Variants in NACA observed in about 807,000 individuals in gnomAD.
The protein encoded by NACA is nascent polypeptide associated complex subunit alpha, also known as nascent polypeptide-associated complex subunit alpha.
NACA carries 42 observed loss-of-function variants against 86.4 expected under a neutral mutation model. That is an observed-to-expected ratio of 0.49 (90% CI 0.38 to 0.63). The LOEUF is 0.63. Ranked by LOEUF, NACA falls within the 20% of genes least tolerant of loss-of-function variation. The probability of loss-of-function intolerance (pLI) is 0.00; values close to 1 mark genes in which losing one functional copy is unlikely to be tolerated. For missense variants in NACA, 2,157 were observed against 2,483.6 expected (o/e 0.87, Z 2.80); for synonymous variants, 898 against 973.7 (o/e 0.92, Z 1.45).
chr12:56,722,992 G>C (rs1216833798), intron 2 of NACA, among the ~76,000 whole-genome samples: 1 of 152,174 alleles, frequency 6.6e-6, no homozygotes, highest in Non-Finnish European at 1.5e-5. Context: ...AGACAAGGTG[G>C]CTCAACTAGT....
Position 56,719,586 on chromosome 12 carries a change from A to T in NACA, c.1944T>A (p.Phe648Leu). ...CGGCAGGGTCAGCACTTTCCAAAGGAAATGCAGCCACTGTTGGGGTAATGA... is the reference window on the plus strand; with the variant it reads ...CGGCAGGGTCAGCACTTTCCAAAGGTAATGCAGCCACTGTTGGGGTAATGA... Reference protein sequence around the residue: ...SSLITPTVAAFPLESADPAGV... With the variant: ...SSLITPTVAALPLESADPAGV... Residue 648 changes from phenylalanine (F) to leucine (L), a missense_variant, in exon 3 of 9, where the codon TTT becomes TTA. This residue lies in a region of NACA where 947 missense variants were observed against 917.9 expected (regional missense o/e 1.03). Transcript: ENST00000454682. The T allele has an allele frequency of 6.2e-7, 1 of 1,613,970 alleles. No homozygotes were observed. Among genetic ancestry groups the T allele is most frequent in the East Asian group, 2.2e-5 (1 of 44,890 alleles).
chr12:56,720,414 A>G lies in NACA; in HGVS notation c.1116T>C (p.Ala372=). 1 of 1,613,940 alleles carries G rather than the reference A, an allele frequency of 6.2e-7. No homozygotes were observed. The highest frequency in any genetic ancestry group is 1.1e-5 in the South Asian group (1 of 91,090). ...SRNEVVPATV[A]AFPVVAPSVD... is the part of the protein sequence containing the mutation. Reference sequence around the variant, plus strand: ...CAGATGGAGCCACCACTGGAAAGGCAGCCACAGTAGCAGGAACTACCTCAT... The same window carrying G: ...CAGATGGAGCCACCACTGGAAAGGCGGCCACAGTAGCAGGAACTACCTCAT... The change falls in exon 3 of 9, where the codon GCT becomes GCC. Residue 372 remains alanine, a synonymous_variant. Transcript: ENST00000454682.
rs768562171 is a variant in NACA at position 56,717,753 on chromosome 12, G to T, written c.3777C>A (p.Pro1259=). 2 of 1,181,620 alleles carry T rather than the reference G, an allele frequency of 1.7e-6. No individual in the cohort carries two copies. Among genetic ancestry groups the T allele is most frequent in the Admixed American group, 3.4e-5 (1 of 29,114 alleles). 73.2% of individuals were successfully genotyped at this position (1,181,620 alleles called of 1,614,324 possible). The change falls in exon 3 of 9, where the codon CCC becomes CCA. Residue 1259 remains proline, a synonymous_variant. Coordinates refer to ENST00000454682, the MANE Select transcript of NACA (RefSeq NM_001365896.1). ...CTGGGGGAGTGGGGGCCCCTTTGGG[G>T]GGTGGGGTAGCTGGGCCTCCTTTTG... The part of the protein sequence containing the change: ...PSPKGGPATP[P]PKGAPTPPAA...
At chr12:56,721,626 C>T (rs1953579607) in intron 2 of NACA, among the ~76,000 whole-genome samples, 167 bp from the exon 3 acceptor site, 1 of 152,170 alleles carries the variant, frequency 6.6e-6, no homozygotes, top group East Asian at 1.9e-4. Context: ...CAACAACAAC[C>T]TTCCCCAAAC....
In NACA at chr12:56,714,689, T is replaced by C; in HGVS notation, c.5660-2A>G. The C allele has an allele frequency of 1.2e-6, 2 of 1,614,004 alleles. No homozygotes were observed. The highest frequency in any genetic ancestry group is 8.5e-7 in the Non-Finnish European group (1 of 1,179,900). ...CACTGTCAGATTCTGTTCCAGACCC[T>C]AAGATGAGAAACAACTTTTACTGCT... On this transcript the variant is annotated splice_acceptor_variant, in intron 3 of 8. Coordinates refer to ENST00000454682, the MANE Select transcript of NACA (RefSeq NM_001365896.1). LOFTEE classifies it high-confidence loss of function.
intron 1 of NACA, 182 bp from the exon 2 acceptor site, chr12:56,724,705 C>G: frequency 1.6e-6 from 1 of 613,164 alleles, no homozygotes; most frequent in East Asian, 2.9e-5. Context: ...GACCCTCACG[C>G]CTCTATCAAG....
chr12:56,713,297 C>T (rs375567238), intron 6 of NACA, 107 bp from the exon 7 acceptor site: 10 of 1,390,082 alleles, frequency 7.2e-6, no homozygotes, highest in Non-Finnish European at 9.8e-6. Flanking sequence ...ACTTATTGTA[C>T]AGCTTTAAAC....
In NACA at chr12:56,713,666, A is replaced by G. The variant is rs764353142; in HGVS notation, c.5841T>C (p.Gly1947=). The change falls in exon 6 of 9, where the codon GGT becomes GGC. Residue 1947 remains glycine, a synonymous_variant. Coordinates refer to ENST00000454682, the MANE Select transcript of NACA (RefSeq NM_001365896.1). ...KKARKAMSKL[G]LRQVTGVTRV... is the part of the protein sequence containing the mutation. Reference sequence around the variant, plus strand: ...TAGTAACTCCTGTAACCTGCCGAAGACCCAGTTTGGACATAGCCTAAAGAA... The same window carrying G: ...TAGTAACTCCTGTAACCTGCCGAAGGCCCAGTTTGGACATAGCCTAAAGAA... 1.2e-6 allele frequency: 2 copies of G among 1,614,108 alleles called. No individual in the cohort carries two copies. Among genetic ancestry groups the G allele is most frequent in the Non-Finnish European group, 1.7e-6 (2 of 1,179,992 alleles).
rs1234141521 is a variant in NACA, at chr12:56,717,614, G to A, written c.3916C>T (p.Pro1306Ser). The change falls in exon 3 of 9, where the codon CCC becomes TCC. Residue 1306 changes from proline (P) to serine (S), a missense_variant. Physicochemically the swap from Pro to Ser is moderately conservative, Grantham distance 74 (BLOSUM62 -1). Coordinates refer to ENST00000454682, the MANE Select transcript of NACA (RefSeq NM_001365896.1). ...GCTGGAGGAGTGGGGGCCCCTTTGG[G>A]GGGTGAGGTAGCTGGGCCTCCTTTT... ...SPKGGPATSP[P>S]KGAPTPPAAT... is the part of the protein sequence containing the mutation. The A allele has an allele frequency of 8.0e-7, 1 of 1,251,386 alleles. No individual in the cohort carries two copies. The highest frequency in any genetic ancestry group is 1.8e-5 in the South Asian group (1 of 55,616). 77.5% of individuals were successfully genotyped at this position (1,251,386 alleles called of 1,614,324 possible). A position where few individuals can be genotyped will look rare whatever the true frequency, so the allele number is the denominator to read the frequency against.
In NACA at chr12:56,713,767, C is replaced by G. The variant is rs955689305; in HGVS notation, c.5824-84G>C. ...AAGGAACATAATACAACATCCAAAGCAAAGCCTTTCCCCAGGCTGAGAAAA... is the reference window on the plus strand; with the variant it reads ...AAGGAACATAATACAACATCCAAAGGAAAGCCTTTCCCCAGGCTGAGAAAA... On this transcript the variant is annotated intron_variant, in intron 5 of 8. Coordinates refer to ENST00000454682, the MANE Select transcript of NACA (RefSeq NM_001365896.1). The G allele has an allele frequency of 1.5e-6, 2 of 1,350,454 alleles. 1 individual carries two copies. Among genetic ancestry groups the G allele is most frequent in the African/African-American group, 2.9e-5 (2 of 68,624 alleles). The allele number at this position is 1,350,454 out of a possible 1,614,324, so 83.7% of individuals were successfully genotyped here. A position where few individuals can be genotyped will look rare whatever the true frequency, so the allele number is the denominator to read the frequency against.
At position 56,721,215 on chromosome 12, in the gene NACA, G is replaced by T; in HGVS notation, c.315C>A (p.Asn105Lys). Residue 105 changes from asparagine to lysine, a missense_variant, in exon 3 of 9, where the codon AAC becomes AAA. Coordinates refer to ENST00000454682, the MANE Select transcript of NACA (RefSeq NM_001365896.1). ...TAPEAPTFLP[N>K]LIGPPISPAA... is the part of the protein sequence containing the mutation. ...CTGGGGAGATGGGAGGCCCTATTAG[G>T]TTTGGTAGGAAGGTTGGGGCTTCAG... 1 of 1,613,882 alleles carries T rather than the reference G, an allele frequency of 6.2e-7. No homozygotes were observed. Among genetic ancestry groups the T allele is most frequent in the Non-Finnish European group, 8.5e-7 (1 of 1,179,846 alleles).
intron 2 of NACA, among the ~76,000 whole-genome samples, chr12:56,723,625 C>CTG (rs1356673228): frequency 2.0e-5 from 3 of 152,002 alleles, no homozygotes; most frequent in Non-Finnish European, 1.5e-5. Flanking sequence ...TCTACTGTAA[C>CTG]TCCAAAAAGG....
At chr12:56,721,490 G>T in intron 2 of NACA, 31 bp from the exon 3 acceptor site, 5 of 1,412,312 alleles carry the variant, frequency 3.5e-6, no homozygotes, top group Middle Eastern at 1.9e-4. Context: ...ATAAAGAAAG[G>T]GGGAGGGGGA....
In NACA at chr12:56,718,247, C is replaced by T. The variant is rs779648535; in HGVS notation, c.3283G>A (p.Ala1095Thr). 4.4e-6 allele frequency: 5 copies of T among 1,131,662 alleles called. No homozygotes were observed. Among genetic ancestry groups the T allele is most frequent in the East Asian group, 4.4e-5 (1 of 22,768 alleles). 70.1% of individuals were successfully genotyped at this position (1,131,662 alleles called of 1,614,324 possible). Residue 1095 changes from alanine to threonine, a missense_variant, in exon 3 of 9, where the codon GCT (alanine) becomes ACT (threonine). Coordinates refer to ENST00000454682, the MANE Select transcript of NACA (RefSeq NM_001365896.1). ...ATPPSPKGGP[A>T]TPSPKGAPMP... The stretch of plus-strand genomic sequence containing the variant: ...GGGGCCCCTTTGGGGGATGGGGTAG[C>T]TGGGCCTCCTTTTGGGGAGGGAGGA...
Position 56,720,650 on chromosome 12 carries a change from C to T in NACA, c.880G>A (p.Gly294Ser). 6.2e-7 allele frequency: 1 copy of T among 1,613,822 alleles called. No individual in the cohort carries two copies. The highest frequency in any genetic ancestry group is 8.5e-7 in the Non-Finnish European group (1 of 1,179,854). Residue 294 changes from glycine to serine, a missense_variant, in exon 3 of 9, where the codon GGT becomes AGT. Physicochemically the swap from Gly to Ser is moderately conservative, Grantham distance 56. Transcript: ENST00000454682. Reference protein sequence around the residue: ...PVVTSSQKTAGPNTPPDFPIS... With the variant: ...PVVTSSQKTASPNTPPDFPIS... ...GGAAAATCTGGGGGGGTGTTGGGAC[C>T]CGCAGTCTTTTGAGAAGAGGTCACC... is the stretch of plus-strand genomic sequence containing the variant.
At position 56,714,179 on chromosome 12, in the gene NACA, C is replaced by G. The variant is rs995098321; in HGVS notation, c.5823+183G>C. ...TACTTTCAACGGGATTCTACCACTA[C>G]TAAGAATTGGGTTCAGTGTATACTG... is the stretch of plus-strand genomic sequence containing the variant. On this transcript the variant is annotated intron_variant, in intron 5 of 8. Coordinates refer to ENST00000454682, the MANE Select transcript of NACA (RefSeq NM_001365896.1). 1.3e-5 allele frequency: 8 copies of G among 595,782 alleles called. No individual in the cohort carries two copies. In the East Asian group the frequency reaches 2.0e-4, roughly 15 times the overall value. 36.9% of individuals were successfully genotyped at this position (595,782 alleles called of 1,614,324 possible).
Position 56,714,416 on chromosome 12 carries a change from A to G in NACA, c.5769T>C (p.Asp1923=), listed in dbSNP as rs1953293783. 1 of 1,614,144 alleles carries G rather than the reference A, an allele frequency of 6.2e-7. No homozygotes were observed. Residue 1923 remains aspartate (D), a synonymous_variant, in exon 5 of 9, where the codon GAT becomes GAC. Transcript: ENST00000454682. Reference sequence around the variant, plus strand: ...GTTTTGCTTTACTGACTGGTTCTTCATCAATTTCAGCTGCTGCCGCCAGCT... The same window carrying G: ...GTTTTGCTTTACTGACTGGTTCTTCGTCAATTTCAGCTGCTGCCGCCAGCT... ...QAQLAAAAEI[D]EEPVSKAKQS...
Position 56,721,276 on chromosome 12 carries a change from G to A in NACA, c.254C>T (p.Ser85Leu). Residue 85 changes from serine to leucine, a missense_variant, in exon 3 of 9, where the codon TCA becomes TTA. Coordinates refer to ENST00000454682, the MANE Select transcript of NACA (RefSeq NM_001365896.1). ...CAAAGGTAGGGCTGTTCCAGAGGAT[G>A]ACTGGGGAAAAGGAACTTCTAAAGG... ...STPLEVPFPQ[S>L]SSGTALPLGT... 6 of 1,613,104 alleles carry A rather than the reference G, an allele frequency of 3.7e-6. No individual in the cohort carries two copies. Among genetic ancestry groups the A allele is most frequent in the African/African-American group, 1.3e-5 (1 of 74,944 alleles).
In NACA at chr12:56,718,341, A is replaced by C. The variant is rs200383188; in HGVS notation, c.3189T>G (p.Thr1063=). Residue 1063 remains threonine, a synonymous_variant, in exon 3 of 9, where the codon ACT becomes ACG. Transcript: ENST00000454682. Reference sequence around the variant, plus strand: ...CTGGACCTCCTTTTGGGGAGGGAAGAGTTGCAGCTGGGGTTGTGGGGGCCC... The same window carrying C: ...CTGGACCTCCTTTTGGGGAGGGAAGCGTTGCAGCTGGGGTTGTGGGGGCCC... ...PKGAPTTPAA[T]LPSPKGGPAT... The C allele has an allele frequency of 1.3e-5, 14 of 1,109,088 alleles. No individual in the cohort carries two copies. In the Admixed American group the frequency reaches 2.5e-4, roughly 20 times the overall value. 68.7% of individuals were successfully genotyped at this position (1,109,088 alleles called of 1,614,324 possible). A position where few individuals can be genotyped will look rare whatever the true frequency, so the allele number is the denominator to read the frequency against.
Sources: gnomAD v4.1 joint callset for allele counts (sites outside exome capture counted in the v4.1 genomes callset) on GRCh38, gnomAD v4.1.1 for gene constraint, gnomAD v4.1.1 regional missense constraint, MANE v1.5 for transcripts, NCBI Gene and HGNC (gene_info 2026-07-23, HGNC 2026-07-21) for gene names.